The following TBX5 variants were observed in gnomAD, a reference collection of about 807,000 sequenced individuals.
TBX5 encodes the protein T-box transcription factor 5.
Under a neutral mutation model 51.1 loss-of-function variants are expected in TBX5, and 8 were observed. The observed-to-expected ratio is 0.16, with a 90% CI of 0.09 to 0.28. The LOEUF is 0.28. TBX5 is among the 10% of genes least tolerant of loss of function. TBX5 has a pLI of 1.00. For missense variants in TBX5, 589 were observed against 671.7 expected (o/e 0.88, Z 1.36); for synonymous variants, 302 against 266.4 (o/e 1.13, Z -1.30).
At chr12:114,369,498 G>A (rs923387298) in intron 7 of TBX5, among the ~76,000 whole-genome samples, 2 of 152,256 alleles carry the variant, frequency 1.3e-5, no homozygotes, top group African/African-American at 4.8e-5. Context: ...GTCAAAATAT[G>A]GGCATGGAAT....
At position 114,394,725 on chromosome 12, in the gene TBX5, T is replaced by C. The variant is rs752606041; in HGVS notation, c.663+16A>G. ...GCAGACGGCCCCAGGCACTGGTTCC[T>C]GGGCTTCAGGCTTACCTTGTGGTTC... On this transcript the variant is annotated intron_variant, in intron 6 of 8. Transcript: ENST00000405440. 8 of 1,614,018 alleles carry C rather than the reference T, an allele frequency of 5.0e-6. No individual in the cohort carries two copies. The highest frequency in any genetic ancestry group is 1.3e-5 in the African/African-American group (1 of 75,046).
At chr12:114,383,360 G>A (rs569258559) in intron 7 of TBX5, among the ~76,000 whole-genome samples, 69 of 152,312 alleles carry the variant, frequency 4.5e-4, no homozygotes, top group South Asian at 4.1e-4. Flanking sequence ...AAAAATAAAG[G>A]AAAGAACACA....
chr12:114,407,724 C>T, upstream of TBX5: 1 of 974,626 alleles, frequency 1.0e-6, no homozygotes, highest in Non-Finnish European at 1.2e-6. Flanking sequence ...AGAGAAGATT[C>T]AGCAAGACTA....
Position 114,398,625 on chromosome 12 carries a change from A to T in TBX5, c.458T>A (p.Val153Asp), listed in dbSNP as rs772248871. ...ATGAHWMRQL[V>D]SFQKLKLTNN... The stretch of plus-strand genomic sequence containing the variant: ...GGTGAGCTTGAGTTTCTGGAAGGAG[A>T]CGAGCTGCCTCATCCAATGCGCCCC... Residue 153 changes from valine (V) to aspartate (D), a missense_variant, in exon 5 of 9, where the codon GTC (valine) becomes GAC (aspartate). Physicochemically the swap from Val to Asp is radical, Grantham distance 152. Coordinates refer to ENST00000405440, the MANE Select transcript of TBX5 (RefSeq NM_181486.4). The T allele has an allele frequency of 6.2e-7, 1 of 1,613,552 alleles. No homozygotes were observed. The highest frequency in any genetic ancestry group is 1.1e-5 in the South Asian group (1 of 90,812).
At chr12:114,394,517 G>A (rs755942908) in intron 6 of TBX5, among the ~76,000 whole-genome samples, 22 of 152,174 alleles carry the variant, frequency 1.4e-4, no homozygotes, top group Non-Finnish European at 2.6e-4. Flanking sequence ...TCTAACTGGT[G>A]TGGGTGCATA....
intron 6 of TBX5, among the ~76,000 whole-genome samples, chr12:114,389,180 G>A (rs1309328643): frequency 2.0e-5 from 3 of 151,744 alleles, no homozygotes; most frequent in African/African-American, 7.3e-5. Flanking sequence ...CACCCACCTC[G>A]GCCTCCCAAA....
At chr12:114,383,309 GAA>G (rs1248198012) in intron 7 of TBX5, among the ~76,000 whole-genome samples, 1 of 152,156 alleles carries the variant, frequency 6.6e-6, no homozygotes, top group African/African-American at 2.4e-5. Context: ...GAGAAGGAGG[GAA>G]AAGAGTTTGA....
At position 114,366,189 on chromosome 12, in the gene TBX5, T is replaced by A. The variant is rs1167784513; in HGVS notation, c.958A>T (p.Ile320Phe). 3.1e-6 allele frequency: 5 copies of A among 1,614,114 alleles called. No individual in the cohort carries two copies. Among genetic ancestry groups the A allele is most frequent in the Non-Finnish European group, 4.2e-6 (5 of 1,180,018 alleles). Residue 320 changes from isoleucine (I) to phenylalanine (F), a missense_variant, in exon 8 of 9, where the codon ATT becomes TTT. Around this residue, in one of 7 missense-constraint regions of TBX5, gnomAD observed 348 missense variants for 360.4 expected, o/e 0.97. Coordinates refer to ENST00000405440, the MANE Select transcript of TBX5 (RefSeq NM_181486.4). ...PYPLPQEHSQIYHCTKRKEEE... is the reference protein window; with the variant it reads ...PYPLPQEHSQFYHCTKRKEEE... ...CCTTTCCTCTTGGTACAATGGTAAA[T>A]TTGGCTATGCTCCTGGGGCAGTGGG...
chr12:114,358,136 A>G (rs1346023086), intron 8 of TBX5, among the ~76,000 whole-genome samples: 5 of 152,228 alleles, frequency 3.3e-5, no homozygotes, highest in South Asian at 2.1e-4. Flanking sequence ...GACTTTGCCT[A>G]CACACCTTGC....
At chr12:114,401,953 G>T (rs1404075921) in intron 2 of TBX5, 33 bp from the exon 3 acceptor site, 1 of 1,593,548 alleles carries the variant, frequency 6.3e-7, no homozygotes, top group Admixed American at 1.7e-5. Context: ...ACACTAACAA[G>T]CCCTGGCAGT....
chr12:114,366,122 A>G lies in TBX5; in HGVS notation c.982+43T>C, dbSNP rs3741694. On this transcript the variant is annotated intron_variant, in intron 8 of 8. Coordinates refer to ENST00000405440, the MANE Select transcript of TBX5 (RefSeq NM_181486.4). Reference sequence around the variant, plus strand: ...TCACCCCCAACCCAAGGAAAGGAAAAGGTAAGAAAGAAAGCAAATTGACCA... The same window carrying G: ...TCACCCCCAACCCAAGGAAAGGAAAGGGTAAGAAAGAAAGCAAATTGACCA... 1.1e-4 allele frequency: 172 copies of G among 1,590,028 alleles called. 1 individual carries two copies. The East Asian group carries it at 3.7e-3, about 34-fold the overall frequency.
intron 8 of TBX5, among the ~76,000 whole-genome samples, chr12:114,357,020 AT>A: frequency 6.6e-6 from 1 of 151,868 alleles, no homozygotes; most frequent in East Asian, 1.9e-4. Flanking sequence ...GGATGGATGG[AT>A]GGATGGATGC....
At chr12:114,368,505 A>G (rs1337097288) in intron 7 of TBX5, among the ~76,000 whole-genome samples, 1 of 152,158 alleles carries the variant, frequency 6.6e-6, no homozygotes, top group Non-Finnish European at 1.5e-5. Flanking sequence ...CTTTGATCCC[A>G]TTTTACAGAT....
chr12:114,362,298 G>T (rs983105565), intron 8 of TBX5, among the ~76,000 whole-genome samples: 2 of 152,092 alleles, frequency 1.3e-5, no homozygotes, highest in African/African-American at 4.8e-5. Context: ...TCCAATGGAC[G>T]TGCACTGGTG....
intron 5 of TBX5, among the ~76,000 whole-genome samples, chr12:114,396,109 GC>G (rs1406050422): frequency 1.3e-5 from 2 of 152,074 alleles, no homozygotes; most frequent in African/African-American, 2.4e-5. Context: ...CTGGAGTCCG[GC>G]CCCGATCGAG....
intron 2 of TBX5, among the ~76,000 whole-genome samples, chr12:114,403,309 G>A (rs1221396605): frequency 6.6e-6 from 1 of 152,220 alleles, no homozygotes; most frequent in Admixed American, 6.5e-5. Flanking sequence ...GGAGGCGAAG[G>A]CTACGGAAGA....
At chr12:114,394,610 C>G in intron 6 of TBX5, 131 bp downstream of exon 6, 1 of 1,270,780 alleles carries the variant, frequency 7.9e-7, no homozygotes, top group Non-Finnish European at 1.1e-6. Flanking sequence ...GTCCCCACCC[C>G]AGCACCCTGG....
At chr12:114,361,569 G>A (rs1869242525) in intron 8 of TBX5, among the ~76,000 whole-genome samples, 1 of 152,132 alleles carries the variant, frequency 6.6e-6, no homozygotes, top group Non-Finnish European at 1.5e-5. Context: ...GAGATAGTTT[G>A]GAGACAGCCG....
chr12:114,357,039 C>T (rs976398254), intron 8 of TBX5, among the ~76,000 whole-genome samples: 1 of 151,326 alleles, frequency 6.6e-6, no homozygotes, highest in Non-Finnish European at 1.5e-5. Flanking sequence ...TGCATGGATG[C>T]ATGGATGCAT....
Sources: allele counts gnomAD v4.1 joint callset (sites outside exome capture counted in the v4.1 genomes callset), GRCh38; gene constraint gnomAD v4.1.1; regional missense constraint gnomAD v4.1.1; transcripts MANE v1.5; gene names NCBI Gene and HGNC (gene_info 2026-07-23, HGNC 2026-07-21).